The following ABCC11 variants were observed in gnomAD, a reference collection of about 807,000 sequenced individuals.
ABCC11 encodes the protein ATP binding cassette subfamily C member 11, also known as ATP-binding cassette sub-family C member 11.
A neutral mutation model predicts 149.3 loss-of-function variants in ABCC11; 135 were observed. The observed-to-expected ratio is 0.90, with a 90% CI of 0.79 to 1.04. ABCC11 has a LOEUF of 1.04. Ranked by LOEUF, ABCC11 falls within the 50% of genes least tolerant of loss-of-function variation. The pLI, the probability that ABCC11 is intolerant of heterozygous loss-of-function variation, is 0.00. For synonymous variants in ABCC11, 665 were observed against 671.4 expected (o/e 0.99, Z 0.15); for missense variants, 1,680 against 1,722.1 (o/e 0.98, Z 0.43).
intron 28 of ABCC11, among the ~76,000 whole-genome samples, chr16:48,168,730 G>C (rs1965500075): frequency 6.6e-6 from 1 of 152,154 alleles, no homozygotes; most frequent in African/African-American, 2.4e-5. Flanking sequence ...ATGAGTTAAT[G>C]TCCTTTGCAG....
intron 1 of ABCC11, among the ~76,000 whole-genome samples, chr16:48,241,700 T>C (rs1160067300): frequency 2.0e-5 from 3 of 152,108 alleles, no homozygotes; most frequent in Non-Finnish European, 2.9e-5. Context: ...AACAGAGATA[T>C]AGACCAATGG....
At chr16:48,239,040 G>A (rs556711081) in intron 1 of ABCC11, among the ~76,000 whole-genome samples, 1 of 150,556 alleles carries the variant, frequency 6.6e-6, no homozygotes, top group South Asian at 2.1e-4. Flanking sequence ...AGATGGAACA[G>A]CTCTTTCTTA....
chr16:48,239,337 C>T (rs1439954976), intron 1 of ABCC11, among the ~76,000 whole-genome samples: 7 of 151,772 alleles, frequency 4.6e-5, no homozygotes, highest in Admixed American at 6.6e-5. Context: ...CTGAGGCGGG[C>T]GGATCACGAG....
chr16:48,177,904 C>T (rs1966191556), intron 24 of ABCC11, among the ~76,000 whole-genome samples: 1 of 152,192 alleles, frequency 6.6e-6, no homozygotes, highest in Admixed American at 6.5e-5. Flanking sequence ...GGCCCAACCT[C>T]GGTTTCCTTG....
chr16:48,228,044 A>ACGGCG, intron 3 of ABCC11, 80 bp from the exon 4 acceptor site: 1 of 1,335,966 alleles, frequency 7.5e-7, no homozygotes, highest in Non-Finnish European at 1.0e-6. Context: ...ATTAAAACAC[A>ACGGCG]ACGAGGTTAC....
intron 1 of ABCC11, chr16:48,244,470 A>T (rs1971221146): frequency 6.3e-7 from 1 of 1,597,904 alleles, no homozygotes; most frequent in South Asian, 1.1e-5. Flanking sequence ...GCCCGGCTCC[A>T]CCATGCGCAC....
intron 23 of ABCC11, among the ~76,000 whole-genome samples, chr16:48,182,731 C>T (rs1162855683): frequency 2.7e-5 from 4 of 149,172 alleles, no homozygotes; most frequent in African/African-American, 5.0e-5. Context: ...TGCAGTGAGC[C>T]GAGATCGCAT....
intron 18 of ABCC11, among the ~76,000 whole-genome samples, chr16:48,194,448 A>G (rs1967205976): frequency 6.6e-6 from 1 of 152,262 alleles, no homozygotes; most frequent in Non-Finnish European, 1.5e-5. Flanking sequence ...TGCCAGGAAT[A>G]GTACCAAATG....
Position 48,222,630 on chromosome 16 carries a change from A to C in ABCC11, c.745T>G (p.Phe249Val). 1 of 1,614,182 alleles carries C rather than the reference A, an allele frequency of 6.2e-7. No homozygotes were observed. Among genetic ancestry groups the C allele is most frequent in the East Asian group, 2.2e-5 (1 of 44,876 alleles). Residue 249 changes from phenylalanine to valine, a missense_variant, in exon 6 of 30, where the codon TTT becomes GTT. Phe to Val is a conservative substitution (Grantham distance 50, BLOSUM62 -1). Transcript: ENST00000356608. The stretch of plus-strand genomic sequence containing the variant: ...GAGGTGATGTGTATTACAGACTTAA[A>C]TTGGATGAGCTTCTCAAAGGCAAAG... ...SSFAFEKLIQFKSVIHITSGE... is the reference protein window; with the variant it reads ...SSFAFEKLIQVKSVIHITSGE...
chr16:48,187,116 C>T (rs373524413), intron 21 of ABCC11, 26 bp from the exon 22 acceptor site: 183 of 1,613,890 alleles, frequency 1.1e-4, no homozygotes, highest in Non-Finnish European at 1.5e-4. Flanking sequence ...AGGTAAGGGA[C>T]CTGGACCGTC....
chr16:48,185,232 G>A (rs1038678858), intron 22 of ABCC11, among the ~76,000 whole-genome samples: 4 of 152,150 alleles, frequency 2.6e-5, no homozygotes, highest in African/African-American at 4.8e-5. Context: ...ATGAACATCT[G>A]TATACCCTCT....
intron 1 of ABCC11, among the ~76,000 whole-genome samples, chr16:48,244,821 G>A (rs1441538588): frequency 6.6e-6 from 1 of 152,226 alleles, no homozygotes; most frequent in Non-Finnish European, 1.5e-5. Context: ...CGTTCATGAA[G>A]TAGTGCCTGA....
At chr16:48,205,813 T>C (rs1968392060) in intron 12 of ABCC11, among the ~76,000 whole-genome samples, 1 of 91,514 alleles carries the variant, frequency 1.1e-5, no homozygotes, top group African/African-American at 5.4e-5. Flanking sequence ...TTTTTTCCTC[T>C]TTTTTTTTTT....
intron 4 of ABCC11, 47 bp downstream of exon 4, chr16:48,227,759 G>C: frequency 6.2e-7 from 1 of 1,610,870 alleles, no homozygotes; most frequent in Non-Finnish European, 8.5e-7. Context: ...ATCCCACCAA[G>C]AGATTGTCTT....
intron 6 of ABCC11, among the ~76,000 whole-genome samples, chr16:48,218,867 T>G (rs1432804524): frequency 6.6e-6 from 1 of 152,166 alleles, no homozygotes; most frequent in African/African-American, 2.4e-5. Context: ...TTGGGTATGT[T>G]TTTATCAGCA....
intron 26 of ABCC11, among the ~76,000 whole-genome samples, chr16:48,173,029 G>T (rs1172432560): frequency 6.6e-6 from 1 of 152,184 alleles, no homozygotes; most frequent in African/African-American, 2.4e-5. Flanking sequence ...CTAAAGAAGA[G>T]GCAGGTCTTA....
At chr16:48,198,588 C>T (rs911829218) in intron 15 of ABCC11, among the ~76,000 whole-genome samples, 7 of 151,682 alleles carry the variant, frequency 4.6e-5, no homozygotes, top group African/African-American at 1.5e-4. Context: ...CCCAAAAAAA[C>T]TCTCAAACAT....
intron 20 of ABCC11, among the ~76,000 whole-genome samples, chr16:48,192,028 A>G (rs1462135460): frequency 6.6e-6 from 1 of 152,186 alleles, no homozygotes; most frequent in African/African-American, 2.4e-5. Flanking sequence ...CACACCTGTA[A>G]TTCTAGCTAC....
At position 48,170,842 on chromosome 16, in the gene ABCC11, T is replaced by A. The variant is rs370286389; in HGVS notation, c.3777+47A>T. ...GGAGCCCCAAAGGGGCAGCCCCCCA[T>A]GGGCGATGCAGACTTAGACCAAGAC... On this transcript the variant is annotated intron_variant, in intron 27 of 29. Coordinates refer to ENST00000356608, the MANE Select transcript of ABCC11 (RefSeq NM_001370497.1). The A allele has an allele frequency of 1.4e-4, 214 of 1,541,256 alleles. 1 individual carries two copies. The highest frequency in any genetic ancestry group is 1.8e-4 in the Non-Finnish European group (202 of 1,115,434).
Sources: gnomAD v4.1 joint callset for allele counts (sites outside exome capture counted in the v4.1 genomes callset) on GRCh38, gnomAD v4.1.1 for gene constraint, MANE v1.5 for transcripts, NCBI Gene and HGNC (gene_info 2026-07-23, HGNC 2026-07-21) for gene names.